The following CRTAC1 variants were observed in gnomAD, a reference collection of about 807,000 sequenced individuals.
CRTAC1 encodes cartilage acidic protein 1, also known as acidic secreted protein in cartilage.
In CRTAC1, 37 loss-of-function variants were observed where a neutral mutation model predicts 67.8. The observed-to-expected ratio is 0.55, with a 90% confidence interval of 0.42 to 0.72. CRTAC1 has a LOEUF of 0.72. CRTAC1 is among the 30% of genes least tolerant of loss of function. The pLI, the probability that CRTAC1 is intolerant of heterozygous loss-of-function variation, is 0.00. For synonymous variants in CRTAC1, 348 were observed against 371.0 expected (o/e 0.94, Z 0.71); for missense variants, 780 against 931.6 (o/e 0.84, Z 2.12).
intron 2 of CRTAC1, among the ~76,000 whole-genome samples, chr10:97,984,218 A>G (rs2051944356): frequency 6.6e-6 from 1 of 152,224 alleles, no homozygotes; most frequent in Admixed American, 6.5e-5. Context: ...TCTAGCTCTC[A>G]GGCTTGGAAA....
At chr10:97,869,956 C>A (rs139020328) in intron 14 of CRTAC1, 30 of 152,360 alleles carry the variant, frequency 2.0e-4, no homozygotes, top group African/African-American at 7.2e-4. Context: ...AAACACCACT[C>A]CACATCAGAT....
chr10:97,884,827 T>C (rs981340866), intron 11 of CRTAC1, among the ~76,000 whole-genome samples: 29 of 152,238 alleles, frequency 1.9e-4, no homozygotes, highest in African/African-American at 6.5e-4. Context: ...CTTTGGAGTC[T>C]GGCATTCAAA....
intron 1 of CRTAC1, among the ~76,000 whole-genome samples, chr10:98,013,190 G>C (rs1035083770): frequency 6.6e-6 from 1 of 152,174 alleles, no homozygotes; most frequent in Non-Finnish European, 1.5e-5. Flanking sequence ...CAATTGACTG[G>C]CAGTGGCTGG....
chr10:98,025,506 C>A (rs759360210), intron 1 of CRTAC1, among the ~76,000 whole-genome samples: 9 of 152,316 alleles, frequency 5.9e-5, no homozygotes, highest in Non-Finnish European at 1.2e-4. Context: ...TTCCCCCAAC[C>A]CTTTCACACC....
At position 97,904,652 on chromosome 10, in the gene CRTAC1, G is replaced by C; in HGVS notation, c.996+17C>G. On this transcript the variant is annotated intron_variant, in intron 7 of 14. Coordinates refer to ENST00000370597, the MANE Select transcript of CRTAC1 (RefSeq NM_018058.7). ...GACAGGCTGGTCTTGAACTCCTGGGGTGAGGCCCCTTCTTACCCGGAAGCG... is the reference window on the plus strand; with the variant it reads ...GACAGGCTGGTCTTGAACTCCTGGGCTGAGGCCCCTTCTTACCCGGAAGCG... The C allele has an allele frequency of 1.3e-6, 2 of 1,517,456 alleles. No individual in the cohort carries two copies. Among genetic ancestry groups the C allele is most frequent in the Non-Finnish European group, 1.8e-6 (2 of 1,136,102 alleles). 94.0% of individuals were successfully genotyped at this position (1,517,456 alleles called of 1,614,324 possible). A position where few individuals can be genotyped will look rare whatever the true frequency, so the allele number is the denominator to read the frequency against.
chr10:98,013,162 C>T (rs1842939264), intron 1 of CRTAC1, among the ~76,000 whole-genome samples: 1 of 152,182 alleles, frequency 6.6e-6, no homozygotes, highest in Non-Finnish European at 1.5e-5. Flanking sequence ...AAAGGAGTTT[C>T]AATTTGAGGG....
Position 98,014,293 on chromosome 10 carries a change from T to C in CRTAC1, c.25-2956A>G, listed in dbSNP as rs1032321045. ...ACTTAATAAATCAGAATCTGCATTT[T>C]AACAAGATTTCAGATTATTCCAATG... On this transcript the variant is annotated intron_variant, in intron 1 of 14. Coordinates refer to ENST00000370597, the MANE Select transcript of CRTAC1 (RefSeq NM_018058.7). Among the ~76,000 whole-genome samples, 8 of 152,196 alleles carry C rather than the reference T, an allele frequency of 5.3e-5. No individual in the cohort carries two copies. In the East Asian group the frequency reaches 1.3e-3, roughly 26 times the overall value.
intron 5 of CRTAC1, among the ~76,000 whole-genome samples, chr10:97,912,748 C>T (rs542507107): frequency 2.0e-5 from 3 of 152,326 alleles, no homozygotes; most frequent in East Asian, 3.9e-4. Context: ...CTGGCCTCTG[C>T]ACCTCCCCTC....
At chr10:97,913,028 G>A (rs1278899833) in intron 5 of CRTAC1, among the ~76,000 whole-genome samples, 14 of 152,166 alleles carry the variant, frequency 9.2e-5, no homozygotes, top group Non-Finnish European at 1.8e-4. Flanking sequence ...TCTGGTGAAT[G>A]CCATGATTCG....
chr10:97,880,232 G>A lies in CRTAC1; in HGVS notation c.1819+17C>T. On this transcript the variant is annotated intron_variant, in intron 14 of 14. Coordinates refer to ENST00000370597, the MANE Select transcript of CRTAC1 (RefSeq NM_018058.7). ...AACATCCTTTTGCTACTGGCCTATG[G>A]CTGGGGCCCCACTCACCCACGCAGG... The A allele has an allele frequency of 6.2e-7, 1 of 1,613,100 alleles. No homozygotes were observed. Among genetic ancestry groups the A allele is most frequent in the Non-Finnish European group, 8.5e-7 (1 of 1,179,170 alleles).
intron 14 of CRTAC1, chr10:97,878,776 T>C: frequency 6.8e-6 from 8 of 1,172,802 alleles, no homozygotes; most frequent in Non-Finnish European, 9.0e-6. Flanking sequence ...CTTAGGGATA[T>C]ACCAGCCCAA....
chr10:97,961,617 A>G (rs1402686373), intron 2 of CRTAC1, among the ~76,000 whole-genome samples: 1 of 152,212 alleles, frequency 6.6e-6, no homozygotes, highest in Non-Finnish European at 1.5e-5. Context: ...ATTAACCTCT[A>G]TAGGGCCTTA....
chr10:97,901,332 A>C (rs978330635), intron 8 of CRTAC1, among the ~76,000 whole-genome samples, 171 bp downstream of exon 8: 2 of 152,166 alleles, frequency 1.3e-5, no homozygotes, highest in African/African-American at 4.8e-5. Context: ...CCTCTTGCCC[A>C]GTCCTCGTCC....
chr10:97,885,949 G>A (rs1353507034), intron 11 of CRTAC1, among the ~76,000 whole-genome samples: 4 of 152,172 alleles, frequency 2.6e-5, no homozygotes, highest in East Asian at 1.9e-4. Flanking sequence ...ATGTATATTC[G>A]CATTTGGTCA....
chr10:97,933,878 C>G (rs958236661), intron 3 of CRTAC1, among the ~76,000 whole-genome samples: 8 of 152,174 alleles, frequency 5.3e-5, no homozygotes, highest in Non-Finnish European at 1.2e-4. Context: ...GTGACTGGGT[C>G]CCCCTCCTAG....
chr10:98,026,100 A>T (rs139868768), intron 1 of CRTAC1, among the ~76,000 whole-genome samples: 1 of 152,318 alleles, frequency 6.6e-6, no homozygotes, highest in African/African-American at 2.4e-5. Context: ...ATCCCCTTCC[A>T]ACTGAATACC....
intron 2 of CRTAC1, among the ~76,000 whole-genome samples, chr10:97,978,899 G>C (rs540039725): frequency 6.6e-6 from 1 of 152,280 alleles, no homozygotes; most frequent in South Asian, 2.1e-4. Context: ...TCTTCTTCCA[G>C]CCACTAGAAC....
chr10:97,949,738 G>A (rs369867382), intron 2 of CRTAC1, among the ~76,000 whole-genome samples: 1 of 152,210 alleles, frequency 6.6e-6, no homozygotes, highest in African/African-American at 2.4e-5. Context: ...CAACTCTTCA[G>A]CTGTGTGGGT....
intron 1 of CRTAC1, among the ~76,000 whole-genome samples, chr10:98,019,806 C>T (rs1328262390): frequency 6.6e-6 from 1 of 152,184 alleles, no homozygotes; most frequent in Admixed American, 6.5e-5. Context: ...GCCTGGCCTG[C>T]CAGGCAGCTG....
Sources: allele counts gnomAD v4.1 joint callset (sites outside exome capture counted in the v4.1 genomes callset), GRCh38; gene constraint gnomAD v4.1.1; transcripts MANE v1.5; gene names NCBI Gene and HGNC (gene_info 2026-07-23, HGNC 2026-07-21).